SLC16A7: variants seen among roughly 807,000 people sequenced by gnomAD.
SLC16A7 encodes solute carrier family 16 member 7.
A neutral mutation model predicts 34.9 loss-of-function variants in SLC16A7; 33 were observed. The observed-to-expected ratio is 0.94, with a 90% CI of 0.72 to 1.26. The LOEUF is 1.26. Among genes scored for constraint, SLC16A7 ranks in the 50% most tolerant of loss-of-function variants. The pLI, the probability that SLC16A7 is intolerant of heterozygous loss-of-function variation, is 0.00. For missense variants in SLC16A7, 573 were observed against 578.1 expected (o/e 0.99, Z 0.09); for synonymous variants, 201 against 206.6 (o/e 0.97, Z 0.23).
At position 59,775,245 on chromosome 12, in the gene SLC16A7, T is replaced by A. The variant is rs1354989406; in HGVS notation, c.950T>A (p.Phe317Tyr). The change falls in exon 5 of 6, where the codon TTC becomes TAC. Residue 317 changes from phenylalanine to tyrosine, a missense_variant. By Grantham distance (22) the Phe-to-Tyr change is conservative. Coordinates refer to ENST00000547379, the MANE Select transcript of SLC16A7 (RefSeq NM_001270623.2). The stretch of plus-strand genomic sequence containing the variant: ...ATTCGACCTCGAATTCAGTACTTCT[T>A]CAGTTTTGCAATCATGTTCAATGGA... Reference protein sequence around the residue: ...KYIRPRIQYFFSFAIMFNGVC... With the variant: ...KYIRPRIQYFYSFAIMFNGVC... 6.2e-7 allele frequency: 1 copy of A among 1,614,066 alleles called. No individual in the cohort carries two copies. Among genetic ancestry groups the A allele is most frequent in the Non-Finnish European group, 8.5e-7 (1 of 1,180,024 alleles).
At chr12:59,659,935 C>A (rs114316850) in intron 2 of SLC16A7, among the ~76,000 whole-genome samples, 1,623 of 152,152 alleles carry the variant, frequency 0.011, 37 homozygotes, top group African/African-American at 0.038. Flanking sequence ...ACTAGGCCAG[C>A]ATATAGTTGA....
intron 3 of SLC16A7, chr12:59,733,603 TA>T: frequency 2.4e-6 from 1 of 417,496 alleles, no homozygotes; most frequent in Non-Finnish European, 4.8e-6. Context: ...ATCCTAGACC[TA>T]AGGGCTTCCC....
At chr12:59,751,962 T>A (rs1013077634) in intron 3 of SLC16A7, among the ~76,000 whole-genome samples, 6 of 152,134 alleles carry the variant, frequency 3.9e-5, no homozygotes, top group Non-Finnish European at 5.9e-5. Flanking sequence ...AATCCGCTGA[T>A]CTGCAGCCAC....
At chr12:59,630,796 T>C (rs1592410934) in intron 1 of SLC16A7, among the ~76,000 whole-genome samples, 1 of 152,096 alleles carries the variant, frequency 6.6e-6, no homozygotes, top group Admixed American at 6.6e-5. Flanking sequence ...TGTAAGCTAA[T>C]TCCTTGATAA....
chr12:59,702,247 A>G (rs1016326625), intron 2 of SLC16A7, among the ~76,000 whole-genome samples: 13 of 151,944 alleles, frequency 8.6e-5, no homozygotes, highest in Admixed American at 2.6e-4. Flanking sequence ...TTCCTTAAAT[A>G]TTATACATCT....
chr12:59,728,078 G>C (rs746194999), intron 3 of SLC16A7, among the ~76,000 whole-genome samples: 1 of 152,130 alleles, frequency 6.6e-6, no homozygotes, highest in Non-Finnish European at 1.5e-5. Flanking sequence ...GTTGGAGAGG[G>C]TGCTATGAGT....
chr12:59,736,565 A>G (rs1016795059), intron 3 of SLC16A7, among the ~76,000 whole-genome samples: 2 of 152,142 alleles, frequency 1.3e-5, no homozygotes, highest in African/African-American at 4.8e-5. Context: ...GCTGCTGCAG[A>G]TGCTGTATTT....
At chr12:59,646,935 T>C (rs1389112308) in intron 1 of SLC16A7, among the ~76,000 whole-genome samples, 1 of 152,198 alleles carries the variant, frequency 6.6e-6, no homozygotes, top group Non-Finnish European at 1.5e-5. Flanking sequence ...CCCTTTGTTT[T>C]GGCCAATTTC....
chr12:59,668,610 G>A (rs560746058), intron 2 of SLC16A7, among the ~76,000 whole-genome samples: 1 of 152,298 alleles, frequency 6.6e-6, no homozygotes, highest in East Asian at 1.9e-4. Context: ...AGCTGGAAGA[G>A]ATTTGCCTTG....
intron 2 of SLC16A7, among the ~76,000 whole-genome samples, chr12:59,660,328 C>T (rs1868777790): frequency 6.6e-6 from 1 of 151,902 alleles, no homozygotes; most frequent in African/African-American, 2.4e-5. Context: ...AAGTCTAGTC[C>T]CCATGGGGAA....
In SLC16A7 at chr12:59,773,780, G is replaced by T. The variant is rs372857963; in HGVS notation, c.362-877G>T. 2.6e-5 allele frequency among the ~76,000 whole-genome samples: 4 copies of T among 152,086 alleles called. 1 individual carries two copies. On this transcript the variant is annotated intron_variant, in intron 4 of 5. Coordinates refer to ENST00000547379, the MANE Select transcript of SLC16A7 (RefSeq NM_001270623.2). ...GGGTTTCACCATGTTGGCCAGGATG[G>T]TCTCGATCTCCTGACCTCATGATCC...
At chr12:59,774,252 G>T (rs1882514213) in intron 4 of SLC16A7, among the ~76,000 whole-genome samples, 1 of 151,978 alleles carries the variant, frequency 6.6e-6, no homozygotes, top group Non-Finnish European at 1.5e-5. Context: ...TTTTTATATT[G>T]CCCTCTTGCT....
intron 2 of SLC16A7, among the ~76,000 whole-genome samples, chr12:59,679,213 C>A (rs115788050): frequency 0.01 from 1,540 of 152,248 alleles, 21 homozygotes; most frequent in African/African-American, 0.036. Flanking sequence ...CAGGGATGGC[C>A]GGGTCCCCAG....
chr12:59,643,942 C>A (rs1285889206), intron 1 of SLC16A7, among the ~76,000 whole-genome samples: 1 of 152,130 alleles, frequency 6.6e-6, no homozygotes, highest in Admixed American at 6.5e-5. Context: ...CACAAAAGAA[C>A]ATAATTATCC....
At chr12:59,645,654 A>G (rs1447162616) in intron 1 of SLC16A7, among the ~76,000 whole-genome samples, 1 of 152,080 alleles carries the variant, frequency 6.6e-6, no homozygotes, top group Admixed American at 6.6e-5. Flanking sequence ...TAATACAGTA[A>G]ATTAGAACCA....
Position 59,784,615 on chromosome 12 carries a change from G to A in SLC16A7, c.*4936G>A, listed in dbSNP as rs1020775522. ...ATTCACCTCTTTGTCTATTTGTTCTGTAGAGAAAACAAGTGTCATTGCTTT... is the reference window on the plus strand; with the variant it reads ...ATTCACCTCTTTGTCTATTTGTTCTATAGAGAAAACAAGTGTCATTGCTTT... On this transcript the variant is annotated 3_prime_UTR_variant, in exon 6 of 6. Transcript: ENST00000547379. The A allele has an allele frequency of 5.3e-5, 8 of 151,978 alleles. No homozygotes were observed. The highest frequency in any genetic ancestry group is 1.9e-4 in the African/African-American group (8 of 41,388). 9.4% of individuals were successfully genotyped at this position (151,978 alleles called of 1,614,324 possible).
chr12:59,636,210 A>C (rs1250336225), intron 1 of SLC16A7, among the ~76,000 whole-genome samples: 4 of 152,124 alleles, frequency 2.6e-5, no homozygotes, highest in African/African-American at 9.6e-5. Context: ...AAGAAATTAA[A>C]TAAGAACACT....
chr12:59,695,341 C>G (rs575388999), intron 2 of SLC16A7, among the ~76,000 whole-genome samples: 1 of 152,026 alleles, frequency 6.6e-6, no homozygotes, highest in East Asian at 1.9e-4. Flanking sequence ...AGCTGCTGTT[C>G]TCGAATTACC....
At chr12:59,724,520 G>T (rs569582608) in intron 3 of SLC16A7, among the ~76,000 whole-genome samples, 2 of 151,880 alleles carry the variant, frequency 1.3e-5, no homozygotes, top group South Asian at 4.2e-4. Flanking sequence ...GTTGCAAAGT[G>T]CAAAGTGCAA....
Sources: gnomAD v4.1 joint callset for allele counts (sites outside exome capture counted in the v4.1 genomes callset) on GRCh38, gnomAD v4.1.1 for gene constraint, MANE v1.5 for transcripts, NCBI Gene and HGNC (gene_info 2026-07-23, HGNC 2026-07-21) for gene names.